TRDMT1: variants seen among roughly 807,000 people sequenced by gnomAD.
The protein encoded by TRDMT1 is tRNA aspartic acid methyltransferase 1, also known as tRNA (cytosine(38)-C(5))-methyltransferase.
Under a neutral mutation model 51.2 loss-of-function variants are expected in TRDMT1, and 49 were observed. The ratio of observed to expected loss-of-function variants is 0.96; its 90% CI spans 0.76 to 1.21. The LOEUF (loss-of-function observed/expected upper bound fraction) is 1.21, where lower values mean the gene tolerates loss of function less well. TRDMT1 is among the 50% of genes most tolerant of loss of function. The pLI, the probability that TRDMT1 is intolerant of heterozygous loss-of-function variation, is 0.00. For synonymous variants in TRDMT1, 187 were observed against 164.6 expected (o/e 1.14, Z -1.04); for missense variants, 534 against 462.3 (o/e 1.16, Z -1.42).
chr10:17,143,088 T>C lies in TRDMT1; in HGVS notation c.*5952A>G. 1 of 985,478 alleles carries C rather than the reference T, an allele frequency of 1.0e-6. No homozygotes were observed. The highest frequency in any genetic ancestry group is 1.2e-6 in the Non-Finnish European group (1 of 829,938). 61.0% of individuals were successfully genotyped at this position (985,478 alleles called of 1,614,324 possible). A position where few individuals can be genotyped will look rare whatever the true frequency, so the allele number is the denominator to read the frequency against. ...TTCCAGACTTGAGTAACTTTGGCTG[T>C]TCCTCTGGGCATGGAAGAAGTGGCA... is the stretch of plus-strand genomic sequence containing the variant. On this transcript the variant is annotated 3_prime_UTR_variant, in exon 11 of 11. Coordinates refer to ENST00000377799, the MANE Select transcript of TRDMT1 (RefSeq NM_004412.7).
At chr10:17,152,421 C>T (rs1838871630) in intron 10 of TRDMT1, among the ~76,000 whole-genome samples, 1 of 152,194 alleles carries the variant, frequency 6.6e-6, no homozygotes, top group South Asian at 2.1e-4. Flanking sequence ...AAAACCTCAG[C>T]TTAAATCCAT....
chr10:17,141,960 C>G lies in TRDMT1; in HGVS notation c.*7080G>C, dbSNP rs549679753. 6.6e-6 allele frequency among the ~76,000 whole-genome samples: 1 copy of G among 152,334 alleles called. No homozygotes were observed. Among genetic ancestry groups the G allele is most frequent in the Non-Finnish European group, 1.5e-5 (1 of 68,030 alleles). ...TTTTGGTTATTTTTCAGTTACATAACTGCCATTTATTTCTATTCTTAAAAA... is the reference window on the plus strand; with the variant it reads ...TTTTGGTTATTTTTCAGTTACATAAGTGCCATTTATTTCTATTCTTAAAAA... On this transcript the variant is annotated 3_prime_UTR_variant, in exon 11 of 11. Coordinates refer to ENST00000377799, the MANE Select transcript of TRDMT1 (RefSeq NM_004412.7).
At position 17,139,788 on chromosome 10, in the gene TRDMT1, G is replaced by A. The variant is rs1226233303; in HGVS notation, c.*9252C>T. On this transcript the variant is annotated 3_prime_UTR_variant, in exon 11 of 11. Transcript: ENST00000377799. ...GATCTGTGGGAAGATTTAAGGTGTT[G>A]TCATCAATGGCAGAAAGGATGAGAT... Among the ~76,000 whole-genome samples, 3 of 152,094 alleles carry A rather than the reference G, an allele frequency of 2.0e-5. No homozygotes were observed. Among genetic ancestry groups the A allele is most frequent in the Non-Finnish European group, 4.4e-5 (3 of 68,020 alleles).
intron 1 of TRDMT1, among the ~76,000 whole-genome samples, chr10:17,176,514 G>T (rs910486515): frequency 2.5e-4 from 38 of 152,282 alleles, no homozygotes; most frequent in African/African-American, 8.9e-4. Flanking sequence ...TCTCAGGAAA[G>T]AACAGATTTT....
chr10:17,152,613 T>G (rs1294629633), intron 10 of TRDMT1, among the ~76,000 whole-genome samples: 1 of 152,222 alleles, frequency 6.6e-6, no homozygotes, highest in Admixed American at 6.5e-5. Flanking sequence ...GACGTGAGTC[T>G]TCCTCCCAGC....
In TRDMT1 at chr10:17,142,442, G is replaced by A. The variant is rs1292866858; in HGVS notation, c.*6598C>T. The A allele has an allele frequency of 6.6e-6, 1 of 152,040 alleles. No individual in the cohort carries two copies. The highest frequency in any genetic ancestry group is 1.5e-5 in the Non-Finnish European group (1 of 68,062). The allele number at this position is 152,040 out of a possible 1,614,324, so 9.4% of individuals were successfully genotyped here. ...ATGGTCCTTCATGATGCTACTTTAG[G>A]GAAAGAAGGATTTTCTCCCAAGCCA... is the stretch of plus-strand genomic sequence containing the variant. On this transcript the variant is annotated 3_prime_UTR_variant, in exon 11 of 11. Transcript: ENST00000377799.
chr10:17,195,846 A>T (rs1183356229), intron 1 of TRDMT1, among the ~76,000 whole-genome samples: 2 of 152,220 alleles, frequency 1.3e-5, no homozygotes, highest in African/African-American at 4.8e-5. Flanking sequence ...ACGTTGCTTC[A>T]CTTTAAATAT....
intron 2 of TRDMT1, 59 bp downstream of exon 2, chr10:17,174,492 G>T: frequency 8.4e-7 from 1 of 1,185,570 alleles, no homozygotes; most frequent in Non-Finnish European, 1.3e-6. Context: ...GTATTAGGCA[G>T]TGTTTTTCAA....
In TRDMT1 at chr10:17,144,550, A is replaced by T. The variant is rs1837942014; in HGVS notation, c.*4490T>A. ...TAAGTGCTGGATGTGGCTGAAAGTAAGACTCAGAATCTATGGTAAATATAA... is the reference window on the plus strand; with the variant it reads ...TAAGTGCTGGATGTGGCTGAAAGTATGACTCAGAATCTATGGTAAATATAA... On this transcript the variant is annotated 3_prime_UTR_variant, in exon 11 of 11. Coordinates refer to ENST00000377799, the MANE Select transcript of TRDMT1 (RefSeq NM_004412.7). 1.0e-6 allele frequency: 1 copy of T among 985,678 alleles called. No individual in the cohort carries two copies. The highest frequency in any genetic ancestry group is 1.7e-5 in the African/African-American group (1 of 57,244). The allele number at this position is 985,678 out of a possible 1,614,324, so 61.1% of individuals were successfully genotyped here.
chr10:17,190,952 G>C (rs1844604967), intron 1 of TRDMT1, among the ~76,000 whole-genome samples: 1 of 152,192 alleles, frequency 6.6e-6, no homozygotes, highest in Non-Finnish European at 1.5e-5. Flanking sequence ...ATGGGAGAAG[G>C]GAGTGGTTCT....
Position 17,179,099 on chromosome 10 carries a change from T to C in TRDMT1, c.65-4439A>G, listed in dbSNP as rs545000217. Among the ~76,000 whole-genome samples, 8 of 152,292 alleles carry C rather than the reference T, an allele frequency of 5.3e-5. No individual in the cohort carries two copies. The South Asian group carries it at 1.4e-3, about 28-fold the overall frequency. On this transcript the variant is annotated intron_variant, in intron 1 of 10. Transcript: ENST00000377799. ...CAAGGAATGGAAAATAAAGATGTTATGTCAGGTAGTATAATGCAATTTGGA... is the reference window on the plus strand; with the variant it reads ...CAAGGAATGGAAAATAAAGATGTTACGTCAGGTAGTATAATGCAATTTGGA...
Position 17,143,816 on chromosome 10 carries a change from G to A in TRDMT1, c.*5224C>T. 2.0e-6 allele frequency: 2 copies of A among 985,440 alleles called. No individual in the cohort carries two copies. The highest frequency in any genetic ancestry group is 1.7e-5 in the African/African-American group (1 of 57,356). 61.0% of individuals were successfully genotyped at this position (985,440 alleles called of 1,614,324 possible). Reference sequence around the variant, plus strand: ...AAGATGATCTTTGGTTATGAAGCTTGAACTTGGAAGATGTGGAGACTAACC... The same window carrying A: ...AAGATGATCTTTGGTTATGAAGCTTAAACTTGGAAGATGTGGAGACTAACC... On this transcript the variant is annotated 3_prime_UTR_variant, in exon 11 of 11. Transcript: ENST00000377799.
At chr10:17,179,675 T>C (rs1243525693) in intron 1 of TRDMT1, among the ~76,000 whole-genome samples, 1 of 149,300 alleles carries the variant, frequency 6.7e-6, no homozygotes, top group Non-Finnish European at 1.5e-5. Flanking sequence ...GCAGGAGAAA[T>C]ATTTTTGAAA....
rs935315956 is a variant in TRDMT1 at position 17,137,916 on chromosome 10, G to C, written c.*11124C>G. ...GTGGCTGGGTAAAGGAAGAGACATC[G>C]ACAGAAGGCCTTAAGTGGCAGGTTA... is the stretch of plus-strand genomic sequence containing the variant. On this transcript the variant is annotated 3_prime_UTR_variant, in exon 11 of 11. Coordinates refer to ENST00000377799, the MANE Select transcript of TRDMT1 (RefSeq NM_004412.7). Among the ~76,000 whole-genome samples, 1 of 152,038 alleles carries C rather than the reference G, an allele frequency of 6.6e-6. No individual in the cohort carries two copies. Among genetic ancestry groups the C allele is most frequent in the South Asian group, 2.1e-4 (1 of 4,828 alleles).
intron 1 of TRDMT1, among the ~76,000 whole-genome samples, chr10:17,197,016 G>C (rs1045918134): frequency 6.6e-6 from 1 of 152,176 alleles, no homozygotes; most frequent in African/African-American, 2.4e-5. Flanking sequence ...TCGGGATAAA[G>C]CTTCACTGTG....
Position 17,146,023 on chromosome 10 carries a change from C to T in TRDMT1, c.*3017G>A, listed in dbSNP as rs1838076302. Reference sequence around the variant, plus strand: ...CTGAGAACTTCCACCCCTACCAATGCGTTGAATTGCCTGCACTCATCTCTA... The same window carrying T: ...CTGAGAACTTCCACCCCTACCAATGTGTTGAATTGCCTGCACTCATCTCTA... On this transcript the variant is annotated 3_prime_UTR_variant, in exon 11 of 11. Coordinates refer to ENST00000377799, the MANE Select transcript of TRDMT1 (RefSeq NM_004412.7). 1 of 985,460 alleles carries T rather than the reference C, an allele frequency of 1.0e-6. No homozygotes were observed. Among genetic ancestry groups the T allele is most frequent in the Non-Finnish European group, 1.2e-6 (1 of 829,954 alleles). 61.0% of individuals were successfully genotyped at this position (985,460 alleles called of 1,614,324 possible). A position where few individuals can be genotyped will look rare whatever the true frequency, so the allele number is the denominator to read the frequency against.
chr10:17,142,798 T>C lies in TRDMT1; in HGVS notation c.*6242A>G, dbSNP rs753482789. On this transcript the variant is annotated 3_prime_UTR_variant, in exon 11 of 11. Coordinates refer to ENST00000377799, the MANE Select transcript of TRDMT1 (RefSeq NM_004412.7). ...TGAGGGGTCAGATGTCTTGGAACCA[T>C]GTTGTTCCTCTAGTCTTGGGGTCCC... The C allele has an allele frequency of 9.5e-5, 19 of 200,180 alleles. No homozygotes were observed. Among genetic ancestry groups the C allele is most frequent in the Non-Finnish European group, 1.4e-4 (16 of 111,966 alleles). The allele number at this position is 200,180 out of a possible 1,614,324, so 12.4% of individuals were successfully genotyped here.
At chr10:17,159,532 G>C (rs1432551590) in intron 6 of TRDMT1, among the ~76,000 whole-genome samples, 1 of 151,902 alleles carries the variant, frequency 6.6e-6, no homozygotes, top group African/African-American at 2.4e-5. Flanking sequence ...ATTCATTATT[G>C]ATAATATATT....
At chr10:17,181,062 C>G (rs1564322766) in intron 1 of TRDMT1, among the ~76,000 whole-genome samples, 1 of 151,952 alleles carries the variant, frequency 6.6e-6, no homozygotes. Flanking sequence ...TCTTCAATAA[C>G]CAAACATCAA....
Sources: gnomAD v4.1 joint callset for allele counts (sites outside exome capture counted in the v4.1 genomes callset) on GRCh38, gnomAD v4.1.1 for gene constraint, MANE v1.5 for transcripts, NCBI Gene and HGNC (gene_info 2026-07-23, HGNC 2026-07-21) for gene names.